The following ABL2 variants were observed in gnomAD, a reference collection of about 807,000 sequenced individuals.
ABL2 encodes tyrosine-protein kinase ABL2.
Under a neutral mutation model 107.7 loss-of-function variants are expected in ABL2, and 49 were observed. The observed-to-expected ratio is 0.45, with a 90% CI of 0.36 to 0.58. The LOEUF (loss-of-function observed/expected upper bound fraction) is 0.58, where lower values mean the gene tolerates loss of function less well. ABL2 is among the 20% of genes least tolerant of loss of function. ABL2 has a pLI of 0.00. For missense variants in ABL2, 1,245 were observed against 1,457.0 expected, an observed-to-expected ratio of 0.85 and a Z score of 2.37; for synonymous variants, 549 against 548.6, an observed-to-expected ratio of 1.00 and a Z score of -0.01.
chr1:179,146,502 G>A (rs1657993529), intron 1 of ABL2, among the ~76,000 whole-genome samples: 1 of 152,112 alleles, frequency 6.6e-6, no homozygotes, highest in Admixed American at 6.5e-5. Context: ...TAGAATATGT[G>A]CATATATATA....
At chr1:179,208,997 C>A (rs1454363901) in intron 1 of ABL2, among the ~76,000 whole-genome samples, 1 of 152,080 alleles carries the variant, frequency 6.6e-6, no homozygotes, top group Non-Finnish European at 1.5e-5. Flanking sequence ...GAAACTAAAT[C>A]TAGAAAAATG....
intron 4 of ABL2, among the ~76,000 whole-genome samples, chr1:179,125,371 T>TAG (rs1655638003): frequency 2.0e-5 from 3 of 152,254 alleles, no homozygotes; most frequent in Admixed American, 6.5e-5. Context: ...CTACTGTTGT[T>TAG]AGATCTGTGG....
At chr1:179,136,900 G>T (rs1459978011) in intron 1 of ABL2, among the ~76,000 whole-genome samples, 1 of 139,400 alleles carries the variant, frequency 7.2e-6, no homozygotes, top group Non-Finnish European at 1.5e-5. Flanking sequence ...GGTGACAACA[G>T]AGTGAGACCC....
intron 1 of ABL2, among the ~76,000 whole-genome samples, chr1:179,151,606 T>C (rs1658366666): frequency 6.6e-6 from 1 of 152,226 alleles, no homozygotes; most frequent in Admixed American, 6.5e-5. Flanking sequence ...CCAGTACGTA[T>C]GAGACTTCTT....
intron 1 of ABL2, among the ~76,000 whole-genome samples, chr1:179,167,348 C>G (rs531086945): frequency 2.6e-4 from 39 of 152,092 alleles, no homozygotes; most frequent in Admixed American, 5.9e-4. Context: ...TTTTATGTGA[C>G]AGTTGATCTC....
At chr1:179,187,196 C>T (rs1388680171) in intron 1 of ABL2, among the ~76,000 whole-genome samples, 2 of 152,172 alleles carry the variant, frequency 1.3e-5, no homozygotes, top group African/African-American at 4.8e-5. Flanking sequence ...CCTCAGATTT[C>T]AGATTTCCCA....
chr1:179,224,217 G>C (rs1663067565), intron 1 of ABL2, among the ~76,000 whole-genome samples: 1 of 149,080 alleles, frequency 6.7e-6, no homozygotes, highest in African/African-American at 2.5e-5. Context: ...TAATGAGTTT[G>C]ATTTAAGGAA....
chr1:179,219,652 CACT>C (rs1323185127), intron 1 of ABL2, among the ~76,000 whole-genome samples: 1 of 152,218 alleles, frequency 6.6e-6, no homozygotes, highest in Non-Finnish European at 1.5e-5. Flanking sequence ...GAGAGGATAT[CACT>C]TACCTTACAA....
At chr1:179,181,884 A>G (rs1162876597) in intron 1 of ABL2, among the ~76,000 whole-genome samples, 1 of 151,212 alleles carries the variant, frequency 6.6e-6, no homozygotes, top group Non-Finnish European at 1.5e-5. Context: ...AGGTTCAAGC[A>G]ATTATCCTGC....
Position 179,112,368 on chromosome 1 carries a change from G to C in ABL2, c.1592C>G (p.Ser531Cys), listed in dbSNP as rs750908916. 1.4e-5 allele frequency: 22 copies of C among 1,613,816 alleles called. No individual in the cohort carries two copies. In the Admixed American group the frequency reaches 3.7e-4, roughly 27 times the overall value. Residue 531 changes from serine to cysteine, a missense_variant, in exon 10 of 12, where the codon TCT (serine) becomes TGT (cysteine). Around this residue, in one of 3 missense-constraint regions of ABL2, gnomAD observed 320 missense variants for 547.0 expected, o/e 0.59. Transcript: ENST00000502732. ...CWKWSPADRPSFAETHQAFET... is the reference protein window; with the variant it reads ...CWKWSPADRPCFAETHQAFET... ...AAAAGCTTGGTGTGTTTCAGCAAAA[G>C]AGGGCCTATCGGCAGGGCTCCACTT...
intron 1 of ABL2, among the ~76,000 whole-genome samples, chr1:179,168,790 GAACA>G (rs2102768813): frequency 6.6e-6 from 1 of 151,990 alleles, no homozygotes; most frequent in East Asian, 1.9e-4. Flanking sequence ...GGAAGTATGT[GAACA>G]AAAAAGGAAT....
rs1367301471 is a variant in ABL2 at position 179,109,243 on chromosome 1, A to G, written c.2024T>C (p.Met675Thr). 6.2e-7 allele frequency: 1 copy of G among 1,613,736 alleles called. No individual in the cohort carries two copies. Among genetic ancestry groups the G allele is most frequent in the East Asian group, 2.2e-5 (1 of 44,874 alleles). The stretch of plus-strand genomic sequence containing the variant: ...GTATTTCTTATGGGGCTGATTCTCC[A>G]TTTCTCGGAAGGAGCTGCTGCGTTT... ...PPKRSSSFRE[M>T]ENQPHKKYEL... The change falls in exon 12 of 12, where the codon ATG (methionine) becomes ACG (threonine). Residue 675 changes from methionine (M) to threonine (T), a missense_variant. This residue lies in a region of ABL2 where 761 missense variants were observed against 766.4 expected (regional missense o/e 0.99). Transcript: ENST00000502732.
chr1:179,102,549 T>C lies in ABL2; in HGVS notation c.*5169A>G, dbSNP rs529245096. On this transcript the variant is annotated 3_prime_UTR_variant, in exon 12 of 12. Coordinates refer to ENST00000502732, the MANE Select transcript of ABL2 (RefSeq NM_007314.4). ...CAGAGACCCACCTACAAAAAGAGGA[T>C]TGGTCATAGCAGATCCTTAGGGCAC... 12 of 227,382 alleles carry C rather than the reference T, an allele frequency of 5.3e-5. No individual in the cohort carries two copies. The highest frequency in any genetic ancestry group is 2.0e-4 in the African/African-American group (9 of 45,092). 14.1% of individuals were successfully genotyped at this position (227,382 alleles called of 1,614,324 possible).
intron 1 of ABL2, among the ~76,000 whole-genome samples, chr1:179,175,776 GA>G (rs768985812): frequency 1.3e-5 from 2 of 151,690 alleles, no homozygotes; most frequent in Non-Finnish European, 2.9e-5. Flanking sequence ...AAAGGCTGAT[GA>G]AAGGGAATGA....
In ABL2 at chr1:179,112,675, G is replaced by C. The variant is rs1654203342; in HGVS notation, c.1562-277C>G. On this transcript the variant is annotated intron_variant, in intron 9 of 11. Transcript: ENST00000502732. ...CATGATCTCAACTCACTGCAGCCTT[G>C]ACCTCCTGGGTTCAAACAATCCTCC... 2.0e-5 allele frequency among the ~76,000 whole-genome samples: 3 copies of C among 151,946 alleles called. No individual in the cohort carries two copies. In the South Asian group the frequency reaches 6.2e-4, roughly 32 times the overall value.
intron 1 of ABL2, among the ~76,000 whole-genome samples, chr1:179,210,628 G>A (rs1008740389): frequency 6.6e-6 from 1 of 151,500 alleles, no homozygotes; most frequent in Non-Finnish European, 1.5e-5. Flanking sequence ...CGAGGTGGGC[G>A]CATCACGAGG....
chr1:179,101,022 GA>G lies in ABL2; in HGVS notation c.*6695del, dbSNP rs1411025651. 4 of 232,578 alleles carry G rather than the reference GA, an allele frequency of 1.7e-5. No individual in the cohort carries two copies. Among genetic ancestry groups the G allele is most frequent in the Non-Finnish European group, 2.5e-5 (3 of 117,708 alleles). The allele number at this position is 232,578 out of a possible 1,614,324, so 14.4% of individuals were successfully genotyped here. ...TTGAGAAACGCAGCAACTGCCAAGTGAACACTCTCAGGAAACCACTTCAAGT... is the reference window on the plus strand; with the variant it reads ...TTGAGAAACGCAGCAACTGCCAAGTGACACTCTCAGGAAACCACTTCAAGT... On this transcript the variant is annotated 3_prime_UTR_variant, in exon 12 of 12. Coordinates refer to ENST00000502732, the MANE Select transcript of ABL2 (RefSeq NM_007314.4).
rs1654768774 is a variant in ABL2, at chr1:179,117,534, C to T, written c.1224-18G>A. Reference sequence around the variant, plus strand: ...CAAGATCTCTGTGGGAAAGAGAACCCTAATGTGATTCCATTCAGATGGTGA... The same window carrying T: ...CAAGATCTCTGTGGGAAAGAGAACCTTAATGTGATTCCATTCAGATGGTGA... On this transcript the variant is annotated intron_variant, in intron 7 of 11. Coordinates refer to ENST00000502732, the MANE Select transcript of ABL2 (RefSeq NM_007314.4). 7 of 1,612,652 alleles carry T rather than the reference C, an allele frequency of 4.3e-6. No individual in the cohort carries two copies. Among genetic ancestry groups the T allele is most frequent in the Non-Finnish European group, 5.9e-6 (7 of 1,179,310 alleles).
At chr1:179,223,186 G>A (rs190702280) in intron 1 of ABL2, among the ~76,000 whole-genome samples, 73 of 151,680 alleles carry the variant, frequency 4.8e-4, no homozygotes, top group African/African-American at 1.6e-3. Flanking sequence ...GGCCAAGGTG[G>A]GAGAATCACT....
Sources: gnomAD v4.1 joint callset for allele counts (sites outside exome capture counted in the v4.1 genomes callset) on GRCh38, gnomAD v4.1.1 for gene constraint, gnomAD v4.1.1 regional missense constraint, MANE v1.5 for transcripts, NCBI Gene and HGNC (gene_info 2026-07-23, HGNC 2026-07-21) for gene names.